The following ALOX5 variants were observed in gnomAD, a reference collection of about 807,000 sequenced individuals.
The protein encoded by ALOX5 is polyunsaturated fatty acid 5-lipoxygenase.
Under a neutral mutation model 87.9 loss-of-function variants are expected in ALOX5, and 64 were observed. The ratio of observed to expected loss-of-function variants is 0.73; its 90% CI spans 0.60 to 0.90. The LOEUF (loss-of-function observed/expected upper bound fraction) is 0.90. Ranked by LOEUF, ALOX5 falls within the 40% of genes least tolerant of loss-of-function variation. The probability of loss-of-function intolerance (pLI) is 0.00; values close to 1 mark genes in which losing one functional copy is unlikely to be tolerated. For missense variants in ALOX5, 822 were observed against 907.5 expected, an observed-to-expected ratio of 0.91 and a Z score of 1.21; for synonymous variants, 388 against 355.1, an observed-to-expected ratio of 1.09 and a Z score of -1.04.
chr10:45,432,341 C>G (rs71494783), intron 7 of ALOX5, among the ~76,000 whole-genome samples: 6,335 of 139,016 alleles, frequency 0.046, 232 homozygotes, highest in African/African-American at 0.1. Flanking sequence ...CACTGGGCAA[C>G]AGAGTAAGAC....
chr10:45,445,805 T>G lies in ALOX5; in HGVS notation c.*118T>G, dbSNP rs747250172. 15 of 1,096,080 alleles carry G rather than the reference T, an allele frequency of 1.4e-5. No homozygotes were observed. Among genetic ancestry groups the G allele is most frequent in the Middle Eastern group, 3.1e-4 (1 of 3,258 alleles). The allele number at this position is 1,096,080 out of a possible 1,614,324, so 67.9% of individuals were successfully genotyped here. A position where few individuals can be genotyped will look rare whatever the true frequency, so the allele number is the denominator to read the frequency against. On this transcript the variant is annotated 3_prime_UTR_variant, in exon 14 of 14. Coordinates refer to ENST00000374391, the MANE Select transcript of ALOX5 (RefSeq NM_000698.5). ...GTCACATCTCTTCCTCCGAGGCCAG[T>G]ACCTTTCCATTTATTCTTTGATCTT...
At chr10:45,426,286 G>A (rs967280090) in intron 6 of ALOX5, among the ~76,000 whole-genome samples, 6 of 150,348 alleles carry the variant, frequency 4.0e-5, no homozygotes, top group Non-Finnish European at 8.8e-5. Context: ...GCCATCCTCA[G>A]CACCTGGCAG....
At chr10:45,441,225 T>C (rs1447844709) in intron 8 of ALOX5, 119 bp from the exon 9 acceptor site, 19 of 825,038 alleles carry the variant, frequency 2.3e-5, no homozygotes, top group Non-Finnish European at 3.6e-5. Context: ...AGCCTTCACT[T>C]CCTCCCTGCG....
intron 2 of ALOX5, among the ~76,000 whole-genome samples, chr10:45,387,421 C>A (rs1204266995): frequency 6.6e-6 from 1 of 152,126 alleles, no homozygotes; most frequent in Non-Finnish European, 1.5e-5. Flanking sequence ...CGTTTTTGCT[C>A]AGTATAAGAA....
intron 1 of ALOX5, among the ~76,000 whole-genome samples, chr10:45,376,147 G>A (rs926193232): frequency 1.3e-5 from 2 of 152,114 alleles, no homozygotes; most frequent in Non-Finnish European, 2.9e-5. Flanking sequence ...CGGGCTCTTC[G>A]GACAAAGAGT....
chr10:45,411,517 G>A (rs1158965995), intron 3 of ALOX5, among the ~76,000 whole-genome samples: 4 of 152,330 alleles, frequency 2.6e-5, no homozygotes, highest in East Asian at 3.9e-4. Flanking sequence ...CACGGGATAC[G>A]TTTCAAGGAT....
chr10:45,428,474 T>C, intron 6 of ALOX5, 144 bp from the exon 7 acceptor site: 1 of 1,032,478 alleles, frequency 9.7e-7, no homozygotes, highest in South Asian at 1.6e-5. Context: ...AGCCTTGGAG[T>C]CAGAGGAGAG....
chr10:45,428,568 T>A (rs369666935), intron 6 of ALOX5, 50 bp from the exon 7 acceptor site: 2 of 1,608,032 alleles, frequency 1.2e-6, no homozygotes, highest in African/African-American at 2.7e-5. Flanking sequence ...GGCCTGATTT[T>A]TGGTCCGTCT....
rs911819602 is a variant in ALOX5, at chr10:45,441,324, T to A, written c.1186-20T>A. 2.5e-6 allele frequency: 4 copies of A among 1,611,112 alleles called. No homozygotes were observed. The highest frequency in any genetic ancestry group is 3.4e-6 in the Non-Finnish European group (4 of 1,178,144). On this transcript the variant is annotated intron_variant, in intron 8 of 13. Coordinates refer to ENST00000374391, the MANE Select transcript of ALOX5 (RefSeq NM_000698.5). ...ACCTGACTGGGCCCCCTCTGAGGCCTCCTCCTCTCCCCTCCCCAGCTGCTG... is the reference window on the plus strand; with the variant it reads ...ACCTGACTGGGCCCCCTCTGAGGCCACCTCCTCTCCCCTCCCCAGCTGCTG...
At position 45,440,600 on chromosome 10, in the gene ALOX5, C is replaced by T; in HGVS notation, c.1152C>T (p.Tyr384=). The T allele has an allele frequency of 1.2e-6, 2 of 1,614,174 alleles. No individual in the cohort carries two copies. Among genetic ancestry groups the T allele is most frequent in the Non-Finnish European group, 1.7e-6 (2 of 1,180,042 alleles). The change falls in exon 8 of 14, where the codon TAC becomes TAT. Residue 384 remains tyrosine, a synonymous_variant. Transcript: ENST00000374391. Reference sequence around the variant, plus strand: ...CTGAGGTTTTTGGCATTGCAATGTACCGCCAGCTGCCTGCTGTGCACCCCA... The same window carrying T: ...CTGAGGTTTTTGGCATTGCAATGTATCGCCAGCTGCCTGCTGTGCACCCCA... The part of the protein sequence containing the change: ...LVSEVFGIAM[Y]RQLPAVHPIF...
chr10:45,394,094 G>GA (rs1237731331), intron 2 of ALOX5, among the ~76,000 whole-genome samples: 4 of 152,236 alleles, frequency 2.6e-5, no homozygotes, highest in Middle Eastern at 3.4e-3. Context: ...CTCAGAATTG[G>GA]AAAAATCTAC....
intron 2 of ALOX5, among the ~76,000 whole-genome samples, chr10:45,388,609 A>G (rs996979147): frequency 6.6e-6 from 1 of 152,260 alleles, no homozygotes; most frequent in African/African-American, 2.4e-5. Context: ...GCAAACATCA[A>G]CAAACCTGCA....
intron 6 of ALOX5, among the ~76,000 whole-genome samples, chr10:45,426,397 A>C (rs897277554): frequency 3.3e-5 from 5 of 152,186 alleles, no homozygotes; most frequent in African/African-American, 1.2e-4. Flanking sequence ...CTAGACTCTT[A>C]AACACACACT....
At chr10:45,399,638 A>G (rs1405800025) in intron 3 of ALOX5, among the ~76,000 whole-genome samples, 1 of 152,220 alleles carries the variant, frequency 6.6e-6, no homozygotes, top group Non-Finnish European at 1.5e-5. Context: ...AAAGTAGACA[A>G]GTTAGATGTC....
Position 45,409,398 on chromosome 10 carries a change from G to A in ALOX5, c.432-2793G>A, listed in dbSNP as rs369602708. ...ACATCTCACAGTGATTATTCTCTTT[G>A]TCTGTTTCTCTATTGAAGTCTTCAT... On this transcript the variant is annotated intron_variant, in intron 3 of 13. Transcript: ENST00000374391. Among the ~76,000 whole-genome samples the A allele has an allele frequency of 8.5e-5, 13 of 152,246 alleles. 2 individuals carry two copies. Among genetic ancestry groups the A allele is most frequent in the Admixed American group, 2.6e-4 (4 of 15,298 alleles).
intron 8 of ALOX5, among the ~76,000 whole-genome samples, chr10:45,440,911 G>A (rs10751382): frequency 0.73 from 110,756 of 152,176 alleles, 40,670 homozygotes; most frequent in African/African-American, 0.82. Flanking sequence ...GGTGATCCTC[G>A]GCTGATGCTG....
At chr10:45,395,823 C>G in intron 2 of ALOX5, 32 bp from the exon 3 acceptor site, 1 of 1,600,692 alleles carries the variant, frequency 6.2e-7, no homozygotes, top group Non-Finnish European at 8.6e-7. Flanking sequence ...TGTTCTTCCT[C>G]AGGCTCCTCT....
chr10:45,386,035 T>G (rs1208030765), intron 2 of ALOX5, among the ~76,000 whole-genome samples: 1 of 152,016 alleles, frequency 6.6e-6, no homozygotes, highest in East Asian at 1.9e-4. Flanking sequence ...AGACCCCATC[T>G]CTACAAAAAA....
chr10:45,416,226 G>A (rs1047429550), intron 4 of ALOX5, among the ~76,000 whole-genome samples: 1 of 152,162 alleles, frequency 6.6e-6, no homozygotes, highest in African/African-American at 2.4e-5. Context: ...TCTAGGTGAG[G>A]AAACTGAGTC....
Sources: allele counts gnomAD v4.1 joint callset (sites outside exome capture counted in the v4.1 genomes callset), GRCh38; gene constraint gnomAD v4.1.1; transcripts MANE v1.5; gene names NCBI Gene and HGNC (gene_info 2026-07-23, HGNC 2026-07-21).